The following FAT3 variants were observed in gnomAD, a reference collection of about 807,000 sequenced individuals.
The protein encoded by FAT3 is protocadherin Fat 3.
Under a neutral mutation model 310.2 loss-of-function variants are expected in FAT3, and 95 were observed. That is an observed-to-expected ratio of 0.31 (90% CI 0.26 to 0.36). The LOEUF is 0.36. FAT3 is among the 10% of genes least tolerant of loss of function. FAT3 has a pLI of 1.00. For missense variants in FAT3, 5,408 were observed against 5,715.6 expected (o/e 0.95, Z 1.74); for synonymous variants, 2,314 against 2,192.9 (o/e 1.06, Z -1.54).
intron 1 of FAT3, among the ~76,000 whole-genome samples, chr11:92,267,291 C>T (rs1382264059): frequency 1.3e-5 from 2 of 152,168 alleles, no homozygotes; most frequent in Admixed American, 1.3e-4. Context: ...ATTTTGGGCA[C>T]ATTCTTTCTT....
chr11:92,285,403 G>A (rs1946536158), intron 1 of FAT3, among the ~76,000 whole-genome samples: 1 of 152,144 alleles, frequency 6.6e-6, no homozygotes, highest in African/African-American at 2.4e-5. Context: ...GTTCTATTGT[G>A]GAAAAAAGCG....
At chr11:92,773,109 AATTGT>A (rs1946499303) in intron 6 of FAT3, among the ~76,000 whole-genome samples, 1 of 152,156 alleles carries the variant, frequency 6.6e-6, no homozygotes, top group East Asian at 1.9e-4. Flanking sequence ...GCTTAATTAA[AATTGT>A]TCCCACATAC....
chr11:92,595,524 C>A (rs1191184730), intron 3 of FAT3, among the ~76,000 whole-genome samples: 2 of 152,110 alleles, frequency 1.3e-5, no homozygotes, highest in Non-Finnish European at 2.9e-5. Context: ...TACTTCCTGG[C>A]CCAGGATTTC....
At position 92,582,261 on chromosome 11, in the gene FAT3, A is replaced by C. The variant is rs1010650901; in HGVS notation, c.3607+57313A>C. Among the ~76,000 whole-genome samples the C allele has an allele frequency of 3.3e-5, 5 of 151,654 alleles. No homozygotes were observed. In the South Asian group the frequency reaches 8.3e-4, roughly 25 times the overall value. On this transcript the variant is annotated intron_variant, in intron 3 of 27. Coordinates refer to ENST00000525166, the MANE Select transcript of FAT3 (RefSeq NM_001367949.2). Reference sequence around the variant, plus strand: ...GACCTGTATGTTGTGCCAACCTCCTATCTCATCCTGGGACTTAGAATGCTT... The same window carrying C: ...GACCTGTATGTTGTGCCAACCTCCTCTCTCATCCTGGGACTTAGAATGCTT...
At chr11:92,786,119 T>C (rs1428961134) in intron 7 of FAT3, among the ~76,000 whole-genome samples, 1 of 152,032 alleles carries the variant, frequency 6.6e-6, no homozygotes, top group East Asian at 1.9e-4. Context: ...TGGAGAGCCA[T>C]ATGGAAAATA....
intron 2 of FAT3, among the ~76,000 whole-genome samples, chr11:92,402,442 T>A (rs1001215016): frequency 3.3e-5 from 5 of 152,006 alleles, no homozygotes; most frequent in African/African-American, 1.2e-4. Context: ...TACTCAAGAA[T>A]TCTCGGTCTG....
intron 1 of FAT3, among the ~76,000 whole-genome samples, chr11:92,315,500 T>TAC (rs1211364943): frequency 3.7e-4 from 34 of 92,260 alleles, no homozygotes; most frequent in African/African-American, 1.2e-3. Context: ...TATATATATA[T>TAC]ATATATATAT....
chr11:92,543,819 C>G (rs891883382), intron 3 of FAT3, among the ~76,000 whole-genome samples: 3 of 152,160 alleles, frequency 2.0e-5, no homozygotes, highest in Non-Finnish European at 4.4e-5. Flanking sequence ...AAAACCTACT[C>G]TATGTCAGGC....
rs114474555 is a variant in FAT3 at position 92,400,252 on chromosome 11, T to C, written c.3292+44848T>C. The C allele has an allele frequency of 2.0e-3, 305 of 152,300 alleles. 4 individuals are homozygous for C. Among genetic ancestry groups the C allele is most frequent in the African/African-American group, 6.6e-3 (274 of 41,562 alleles). 9.4% of individuals were successfully genotyped at this position (152,300 alleles called of 1,614,324 possible). On this transcript the variant is annotated intron_variant, in intron 2 of 27. Transcript: ENST00000525166. ...ATGATATATTAACTTAGTGAGGTAA[T>C]GCCAAAGAAATCCACAGAAGGCCTG...
At chr11:92,249,840 A>C (rs1340525781) in intron 1 of FAT3, among the ~76,000 whole-genome samples, 1 of 152,112 alleles carries the variant, frequency 6.6e-6, no homozygotes, top group Non-Finnish European at 1.5e-5. Flanking sequence ...GAGACTTTAC[A>C]ACCAAGAAGA....
intron 3 of FAT3, among the ~76,000 whole-genome samples, chr11:92,554,419 G>A (rs569190667): frequency 1.1e-4 from 14 of 132,408 alleles, no homozygotes; most frequent in African/African-American, 1.8e-4. Context: ...CCGAGATTGC[G>A]CCACTGCACT....
At position 92,805,210 on chromosome 11, in the gene FAT3, A is replaced by G. The variant is rs781490955; in HGVS notation, c.8954A>G (p.Tyr2985Cys). The change falls in exon 11 of 28, where the codon TAT (tyrosine) becomes TGT (cysteine). Residue 2985 changes from tyrosine to cysteine, a missense_variant. Physicochemically the swap from Tyr to Cys is radical, Grantham distance 194 (BLOSUM62 -2). Around this residue, in one of 5 missense-constraint regions of FAT3, gnomAD observed 4,588 missense variants for 4,809.8 expected, o/e 0.95. Transcript: ENST00000525166. The part of the protein sequence containing the change: ...LGLVQSEWKV[Y>C]VKRPLDREEQ... Reference sequence around the variant, plus strand: ...CTGGTGCAAAGTGAGTGGAAGGTCTATGTGAAGAGGCCTCTAGACAGAGAA... The same window carrying G: ...CTGGTGCAAAGTGAGTGGAAGGTCTGTGTGAAGAGGCCTCTAGACAGAGAA... 1.9e-6 allele frequency: 3 copies of G among 1,613,858 alleles called. No individual in the cohort carries two copies. Among genetic ancestry groups the G allele is most frequent in the South Asian group, 2.2e-5 (2 of 91,068 alleles).
intron 17 of FAT3, among the ~76,000 whole-genome samples, chr11:92,839,550 A>G (rs1948486175): frequency 6.6e-6 from 1 of 152,190 alleles, no homozygotes; most frequent in Admixed American, 6.5e-5. Flanking sequence ...ACCCTGAATG[A>G]CGTTCTTATT....
chr11:92,248,742 C>T (rs1865025985), intron 1 of FAT3, among the ~76,000 whole-genome samples: 1 of 143,558 alleles, frequency 7.0e-6, no homozygotes. Flanking sequence ...CTTAATATAT[C>T]AAAATGACAC....
At chr11:92,531,536 A>G (rs1954071922) in intron 3 of FAT3, among the ~76,000 whole-genome samples, 1 of 152,138 alleles carries the variant, frequency 6.6e-6, no homozygotes. Context: ...TATCCTGGGC[A>G]GAGGCAGCTC....
chr11:92,864,667 A>C (rs1021385121), intron 21 of FAT3, among the ~76,000 whole-genome samples: 3 of 152,100 alleles, frequency 2.0e-5, no homozygotes, highest in Non-Finnish European at 4.4e-5. Flanking sequence ...AATAGAAAAA[A>C]TTAGCTGGGC....
At position 92,254,698 on chromosome 11, in the gene FAT3, A is replaced by G. The variant is rs187574032; in HGVS notation, c.-18+29524A>G. On this transcript the variant is annotated intron_variant, in intron 1 of 27. Coordinates refer to ENST00000525166, the MANE Select transcript of FAT3 (RefSeq NM_001367949.2). The stretch of plus-strand genomic sequence containing the variant: ...AGGGGAGGGTTGGTAGCCATCTTTC[A>G]TTGTTATTATTATTATTATTTTTTG... Among the ~76,000 whole-genome samples the G allele has an allele frequency of 6.1e-3, 921 of 152,022 alleles. 9 individuals carry two copies. Among genetic ancestry groups the G allele is most frequent in the African/African-American group, 0.021 (868 of 41,476 alleles).
intron 1 of FAT3, among the ~76,000 whole-genome samples, chr11:92,251,893 C>T (rs965970923): frequency 6.6e-6 from 1 of 152,108 alleles, no homozygotes; most frequent in Admixed American, 6.6e-5. Flanking sequence ...ACCGATGATC[C>T]AGAAAGGCTC....
intron 1 of FAT3, among the ~76,000 whole-genome samples, chr11:92,230,595 T>A (rs1864134690): frequency 6.6e-6 from 1 of 152,192 alleles, no homozygotes; most frequent in Non-Finnish European, 1.5e-5. Context: ...TCCTCAGCCC[T>A]GTTATTTATT....
Sources: gnomAD v4.1 joint callset for allele counts (sites outside exome capture counted in the v4.1 genomes callset) on GRCh38, gnomAD v4.1.1 for gene constraint, gnomAD v4.1.1 regional missense constraint, MANE v1.5 for transcripts, NCBI Gene and HGNC (gene_info 2026-07-23, HGNC 2026-07-21) for gene names.